Variants in COL16A1 observed in about 807,000 individuals in gnomAD.
COL16A1 encodes the protein collagen type XVI alpha 1 chain.
In COL16A1, 189 loss-of-function variants were observed where a neutral mutation model predicts 266.3. That is an observed-to-expected ratio of 0.71 (90% CI 0.63 to 0.80). COL16A1 has a LOEUF of 0.80. Among genes scored for constraint, COL16A1 ranks in the 30% least tolerant of loss-of-function variants. The pLI is 0.00. For missense variants in COL16A1, 1,928 were observed against 2,122.4 expected, an observed-to-expected ratio of 0.91 and a Z score of 1.80; for synonymous variants, 740 against 782.3, an observed-to-expected ratio of 0.95 and a Z score of 0.90.
Position 31,679,912 on chromosome 1 carries a change from C to T in COL16A1, c.2671-61G>A, listed in dbSNP as rs958125217. ...GGTTATAGGCAACGTCTACACCAAG[C>T]GCGGGGCTGCGTGGGGAGGCGGCTG... is the stretch of plus-strand genomic sequence containing the variant. On this transcript the variant is annotated intron_variant, in intron 40 of 70. Coordinates refer to ENST00000373672, the MANE Select transcript of COL16A1 (RefSeq NM_001856.4). The T allele has an allele frequency of 1.9e-4, 289 of 1,529,066 alleles. 2 individuals are homozygous for T. The Middle Eastern group carries it at 3.1e-3, about 16-fold the overall frequency. 94.7% of individuals were successfully genotyped at this position (1,529,066 alleles called of 1,614,324 possible). A position where few individuals can be genotyped will look rare whatever the true frequency, so the allele number is the denominator to read the frequency against.
intron 31 of COL16A1, 135 bp downstream of exon 31, chr1:31,684,388 C>T (rs1480738739): frequency 1.3e-6 from 2 of 1,486,878 alleles, no homozygotes; most frequent in African/African-American, 1.4e-5. Context: ...AGGAGAAGCC[C>T]CGAGGAGCCT....
In COL16A1 at chr1:31,668,306, C is replaced by T; in HGVS notation, c.3250-88G>A. The T allele has an allele frequency of 7.1e-7, 1 of 1,403,590 alleles. No homozygotes were observed. Among genetic ancestry groups the T allele is most frequent in the South Asian group, 1.2e-5 (1 of 84,918 alleles). 86.9% of individuals were successfully genotyped at this position (1,403,590 alleles called of 1,614,324 possible). ...AAGAGGATGGCCAAAGCTAAAACCTCTGGGGCTGCCATCTAGCAGGTGCCA... is the reference window on the plus strand; with the variant it reads ...AAGAGGATGGCCAAAGCTAAAACCTTTGGGGCTGCCATCTAGCAGGTGCCA... On this transcript the variant is annotated intron_variant, in intron 50 of 70. Coordinates refer to ENST00000373672, the MANE Select transcript of COL16A1 (RefSeq NM_001856.4). This position sits in a 1 kb window ranked among gnomAD's most constrained non-coding sequence, Gnocchi z 5.8.
chr1:31,660,789 C>T (rs1004348034), intron 61 of COL16A1, 151 bp from the exon 62 acceptor site: 18 of 1,245,528 alleles, frequency 1.4e-5, no homozygotes, highest in East Asian at 2.5e-5. Context: ...CCAAGTTTCC[C>T]GGAGAGTTAG....
intron 2 of COL16A1, 34 bp from the exon 3 acceptor site, chr1:31,700,149 G>A (rs775303334): frequency 3.3e-5 from 53 of 1,606,474 alleles, no homozygotes; most frequent in Middle Eastern, 1.7e-4. Context: ...CATTAGGTGC[G>A]CTCAGGCCAA....
intron 37 of COL16A1, among the ~76,000 whole-genome samples, chr1:31,681,890 C>T (rs543114353): frequency 2.0e-5 from 3 of 152,286 alleles, no homozygotes; most frequent in East Asian, 3.9e-4. Flanking sequence ...CAATAGAGAC[C>T]GGCTGTGTGG....
At chr1:31,679,413 C>T (rs770737164) in intron 42 of COL16A1, 1 of 1,553,206 alleles carries the variant, frequency 6.4e-7, no homozygotes, top group South Asian at 1.2e-5. Context: ...GCTGACGCAA[C>T]AGTGCATTGC....
chr1:31,665,721 C>A, intron 54 of COL16A1, 103 bp from the exon 55 acceptor site: 1 of 1,591,056 alleles, frequency 6.3e-7, no homozygotes, highest in Admixed American at 1.7e-5. Context: ...AACCCATGGG[C>A]TTTGCCCTCC....
chr1:31,683,957 C>A lies in COL16A1; in HGVS notation c.2330G>T (p.Gly777Val), dbSNP rs751677061. ...CCCAAGACTCACACATACCTGCACG[C>A]CCTTCAGTCCTGGGGGCCCTTGAAC... ...PGVQGPPGLK[G>V]VQGEPGPPGR... The change falls in exon 33 of 71, where the codon GGC (glycine) becomes GTC (valine). Residue 777 changes from glycine to valine, a missense_variant. Transcript: ENST00000373672. The A allele has an allele frequency of 2.5e-6, 4 of 1,614,202 alleles. No homozygotes were observed. The Admixed American group carries it at 5.0e-5, about 20-fold the overall frequency.
rs772001417 is a variant in COL16A1 at position 31,667,594 on chromosome 1, G to A, written c.3338C>T (p.Ala1113Val). The A allele has an allele frequency of 1.1e-5, 18 of 1,602,164 alleles. No homozygotes were observed. The highest frequency in any genetic ancestry group is 2.3e-5 in the East Asian group (1 of 44,436). Residue 1113 changes from alanine to valine, a missense_variant, in exon 52 of 71, where the codon GCG becomes GTG. Physicochemically the swap from Ala to Val is moderately conservative, Grantham distance 64. Coordinates refer to ENST00000373672, the MANE Select transcript of COL16A1 (RefSeq NM_001856.4). ...IKGERGYTGS[A>V]GEKGEPGPPG... ...ACTCACCGGCTCTCCTTTCTCTCCC[G>A]CTGACCCGGTGTAGCCACGCTCCCC...
At chr1:31,701,370 C>A in intron 2 of COL16A1, 1 of 985,432 alleles carries the variant, frequency 1.0e-6, no homozygotes, top group Non-Finnish European at 1.2e-6. Flanking sequence ...ATACAAGGGG[C>A]AGGCGGCCAC....
intron 39 of COL16A1, among the ~76,000 whole-genome samples, 166 bp from the exon 40 acceptor site, chr1:31,680,267 T>A (rs151108530): frequency 4.6e-5 from 7 of 152,288 alleles, no homozygotes; most frequent in African/African-American, 1.7e-4. Context: ...TCTCTGCACC[T>A]CAGCCTCCTC....
At chr1:31,681,856 C>T (rs773865394) in intron 37 of COL16A1, among the ~76,000 whole-genome samples, 8 of 152,352 alleles carry the variant, frequency 5.3e-5, no homozygotes, top group South Asian at 2.1e-4. Context: ...CAGGCAGGAA[C>T]CCTGGCTGTC....
chr1:31,683,543 C>T lies in COL16A1; in HGVS notation c.2379+164G>A, dbSNP rs149974137. Among the ~76,000 whole-genome samples the T allele has an allele frequency of 1.5e-3, 228 of 152,382 alleles. 2 individuals are homozygous for T. The highest frequency in any genetic ancestry group is 0.01 in the Middle Eastern group (3 of 294). On this transcript the variant is annotated intron_variant, in intron 34 of 70. Transcript: ENST00000373672. ...GCTGGGGTCAAAGGCAAGTCCCTGACAGAAGCAACAGCAGGCCAGGGCTGC... is the reference window on the plus strand; with the variant it reads ...GCTGGGGTCAAAGGCAAGTCCCTGATAGAAGCAACAGCAGGCCAGGGCTGC...
At chr1:31,682,059 C>T (rs1643685064) in intron 37 of COL16A1, among the ~76,000 whole-genome samples, 1 of 152,196 alleles carries the variant, frequency 6.6e-6, no homozygotes, top group Non-Finnish European at 1.5e-5. Context: ...ACAAATTACG[C>T]ATTTGCCCAC....
chr1:31,700,056 G>T lies in COL16A1; in HGVS notation c.133C>A (p.Pro45Thr). 1 of 1,614,132 alleles carries T rather than the reference G, an allele frequency of 6.2e-7. No homozygotes were observed. Among genetic ancestry groups the T allele is most frequent in the Non-Finnish European group, 8.5e-7 (1 of 1,180,024 alleles). Residue 45 changes from proline (P) to threonine (T), a missense_variant, in exon 3 of 71, where the codon CCA (proline) becomes ACA (threonine). Around this residue, in one of 2 missense-constraint regions of COL16A1, gnomAD observed 1,552 missense variants for 1,637.2 expected, o/e 0.95. Coordinates refer to ENST00000373672, the MANE Select transcript of COL16A1 (RefSeq NM_001856.4). Reference protein sequence around the residue: ...GLKLEHSSSLPANVTGFNLIH... With the variant: ...GLKLEHSSSLTANVTGFNLIH... ...GGGTGCTCACCAGTCACGTTGGCTG[G>T]CAGGCTACTACTGTGTTCCAATTTG...
At chr1:31,682,383 T>G (rs1333403328) in intron 37 of COL16A1, among the ~76,000 whole-genome samples, 1 of 152,214 alleles carries the variant, frequency 6.6e-6, no homozygotes, top group South Asian at 2.1e-4. Flanking sequence ...ATGGGGCTAT[T>G]TAAATTTAAA....
At chr1:31,665,676 C>T (rs1642069448) in intron 54 of COL16A1, 58 bp from the exon 55 acceptor site, 1 of 1,602,050 alleles carries the variant, frequency 6.2e-7, no homozygotes, top group Admixed American at 1.7e-5. Flanking sequence ...TGCCTGGCTG[C>T]CCAGGTGGAA....
chr1:31,671,529 T>C lies in COL16A1; in HGVS notation c.3150+86A>G, dbSNP rs368073745. The C allele has an allele frequency of 1.5e-5, 23 of 1,556,342 alleles. No individual in the cohort carries two copies. In the Middle Eastern group the frequency reaches 5.0e-4, roughly 34 times the overall value. The stretch of plus-strand genomic sequence containing the variant: ...CCCTCCTCCTGCCTTGCCCAGCCTT[T>C]TGGGGACAAGGCCGCGGGATGGTGT... On this transcript the variant is annotated intron_variant, in intron 48 of 70. Transcript: ENST00000373672.
intron 60 of COL16A1, 117 bp downstream of exon 60, chr1:31,661,297 C>T (rs1570367736): frequency 1.3e-6 from 2 of 1,562,450 alleles, no homozygotes; most frequent in South Asian, 1.2e-5. Context: ...CCAGTGGCCC[C>T]AGGAGGCTCT....
Sources: gnomAD v4.1 joint callset for allele counts (sites outside exome capture counted in the v4.1 genomes callset) on GRCh38, gnomAD v4.1.1 for gene constraint, gnomAD v4.1.1 regional missense constraint, Gnocchi (gnomAD v3.1) non-coding constraint, MANE v1.5 for transcripts, NCBI Gene and HGNC (gene_info 2026-07-23, HGNC 2026-07-21) for gene names.